LIFR: variants seen among roughly 807,000 people sequenced by gnomAD.
LIFR encodes LIF receptor subunit alpha.
LIFR carries 84 observed loss-of-function variants against 122.2 expected under a neutral mutation model. The observed-to-expected ratio is 0.69, with a 90% confidence interval of 0.58 to 0.82. The LOEUF is 0.82. Ranked by LOEUF, LIFR falls within the 40% of genes least tolerant of loss-of-function variation. The pLI is 0.00. For synonymous variants in LIFR, 422 were observed against 434.7 expected, an observed-to-expected ratio of 0.97 and a Z score of 0.36; for missense variants, 1,294 against 1,311.6, an observed-to-expected ratio of 0.99 and a Z score of 0.21.
rs1743726821 is a variant in LIFR at position 38,476,458 on chromosome 5, C to G, written c.*5137G>C. The stretch of plus-strand genomic sequence containing the variant: ...AAGGAAATTCAACAACTTAAGTGAG[C>G]CATTCAATCACGTGTGCAAAGTATT... On this transcript the variant is annotated 3_prime_UTR_variant, in exon 20 of 20. Coordinates refer to ENST00000453190, the MANE Select transcript of LIFR (RefSeq NM_001127671.2). 4.8e-6 allele frequency: 1 copy of G among 209,576 alleles called. No individual in the cohort carries two copies. The allele number at this position is 209,576 out of a possible 1,614,324, so 13.0% of individuals were successfully genotyped here. A position where few individuals can be genotyped will look rare whatever the true frequency, so the allele number is the denominator to read the frequency against.
chr5:38,576,755 A>T (rs1749400131), intron 1 of LIFR, among the ~76,000 whole-genome samples: 1 of 152,232 alleles, frequency 6.6e-6, no homozygotes. Flanking sequence ...GTTGCCTGTG[A>T]TAAAGGATCA....
At chr5:38,539,163 G>A (rs1342929671) in intron 1 of LIFR, among the ~76,000 whole-genome samples, 1 of 151,084 alleles carries the variant, frequency 6.6e-6, no homozygotes, top group Non-Finnish European at 1.5e-5. Flanking sequence ...GGGTTTCACC[G>A]TGGTCTCGAT....
At chr5:38,486,644 G>C (rs150530725) in intron 16 of LIFR, among the ~76,000 whole-genome samples, 5 of 151,718 alleles carry the variant, frequency 3.3e-5, no homozygotes, top group Admixed American at 6.6e-5. Context: ...TCCTCCCCTC[G>C]CCCCCTACAA....
chr5:38,538,943 G>A (rs1747435376), intron 1 of LIFR, among the ~76,000 whole-genome samples: 1 of 151,994 alleles, frequency 6.6e-6, no homozygotes, highest in African/African-American at 2.4e-5. Context: ...CCTTTCCTAG[G>A]GGCATCTCTT....
chr5:38,568,774 G>A (rs1202377401), intron 1 of LIFR, among the ~76,000 whole-genome samples: 1 of 152,208 alleles, frequency 6.6e-6, no homozygotes, highest in Non-Finnish European at 1.5e-5. Flanking sequence ...AGCAGGTTGA[G>A]CGTCCCAGGA....
rs146205670 is a variant in LIFR at position 38,484,788 on chromosome 5, G to A, written c.2578C>T (p.Arg860Trp). The change falls in exon 18 of 20, where the codon CGG (arginine) becomes TGG (tryptophan). Residue 860 changes from arginine to tryptophan, a missense_variant. By Grantham distance (101) the Arg-to-Trp change is moderately radical. Transcript: ENST00000453190. The stretch of plus-strand genomic sequence containing the variant: ...CAGAACTATTACCATTCTCGTTTCC[G>A]ATAGCAAAGGATACTTGTCACCACT... ...VGVVTSILCY[R>W]KREWIKETFY... is the part of the protein sequence containing the mutation. 3,154 of 1,610,676 alleles carry A rather than the reference G, an allele frequency of 2.0e-3. 57 individuals carry two copies. The South Asian group carries it at 0.025, about 13-fold the overall frequency.
At chr5:38,583,540 T>C (rs1381938727) in intron 1 of LIFR, among the ~76,000 whole-genome samples, 1 of 152,158 alleles carries the variant, frequency 6.6e-6, no homozygotes, top group Non-Finnish European at 1.5e-5. Flanking sequence ...AAAAAGTACT[T>C]GCAAAACACG....
At chr5:38,532,489 C>G (rs562241097) in intron 1 of LIFR, among the ~76,000 whole-genome samples, 4 of 152,252 alleles carry the variant, frequency 2.6e-5, no homozygotes, top group African/African-American at 9.6e-5. Flanking sequence ...GTAGCGAGCT[C>G]GCACAAAGCC....
chr5:38,500,881 C>T (rs1261922579), intron 11 of LIFR, among the ~76,000 whole-genome samples: 1 of 152,106 alleles, frequency 6.6e-6, no homozygotes, highest in African/African-American at 2.4e-5. Flanking sequence ...GATTTTAGAG[C>T]ATAAAAGATA....
At chr5:38,511,622 C>T (rs1330606460) in intron 6 of LIFR, among the ~76,000 whole-genome samples, 168 bp downstream of exon 6, 2 of 152,140 alleles carry the variant, frequency 1.3e-5, no homozygotes, top group African/African-American at 2.4e-5. Context: ...TGAAGCCTAT[C>T]TCAGACTTTT....
chr5:38,538,836 G>A (rs914468002), intron 1 of LIFR, among the ~76,000 whole-genome samples: 1 of 152,228 alleles, frequency 6.6e-6, no homozygotes, highest in African/African-American at 2.4e-5. Flanking sequence ...TGAAGCTCCA[G>A]GCCAAATATC....
At chr5:38,509,961 T>C (rs1322573351) in intron 7 of LIFR, among the ~76,000 whole-genome samples, 1 of 152,166 alleles carries the variant, frequency 6.6e-6, no homozygotes, top group Non-Finnish European at 1.5e-5. Flanking sequence ...GGAGAGTATG[T>C]TTCCCCTCAC....
intron 1 of LIFR, among the ~76,000 whole-genome samples, chr5:38,536,957 C>T (rs1470284305): frequency 6.6e-6 from 1 of 152,120 alleles, no homozygotes; most frequent in Non-Finnish European, 1.5e-5. Context: ...ATAATCTTGT[C>T]AATTTTTTTT....
At chr5:38,562,474 T>C (rs1748872467) in intron 1 of LIFR, among the ~76,000 whole-genome samples, 1 of 152,250 alleles carries the variant, frequency 6.6e-6, no homozygotes, top group South Asian at 2.1e-4. Context: ...TTCTTTCTTA[T>C]AGCCCATCGT....
At chr5:38,569,028 A>G (rs189938979) in intron 1 of LIFR, among the ~76,000 whole-genome samples, 2 of 152,282 alleles carry the variant, frequency 1.3e-5, no homozygotes, top group East Asian at 3.9e-4. Flanking sequence ...AGAGGTCATG[A>G]CCTTGGCCGA....
chr5:38,581,938 C>G (rs929428768), intron 1 of LIFR, among the ~76,000 whole-genome samples: 1 of 152,200 alleles, frequency 6.6e-6, no homozygotes, highest in African/African-American at 2.4e-5. Context: ...ATTATCACTT[C>G]CTTTGTGAAG....
intron 1 of LIFR, among the ~76,000 whole-genome samples, chr5:38,544,804 AG>A (rs1410308809): frequency 6.6e-6 from 1 of 152,180 alleles, no homozygotes; most frequent in East Asian, 1.9e-4. Flanking sequence ...GACAGAGAGC[AG>A]GCTCCTGTTC....
intron 4 of LIFR, among the ~76,000 whole-genome samples, chr5:38,526,329 A>C (rs1203468618): frequency 6.6e-6 from 1 of 152,124 alleles, no homozygotes; most frequent in Non-Finnish European, 1.5e-5. Context: ...AGAATGACCC[A>C]AATTTTCAGG....
intron 11 of LIFR, 137 bp from the exon 12 acceptor site, chr5:38,499,720 CAA>C (rs1383443521): frequency 5.7e-6 from 4 of 704,526 alleles, no homozygotes; most frequent in East Asian, 5.2e-5. Context: ...GAAAATGAAG[CAA>C]TGGAAAATCT....
Sources: gnomAD v4.1 joint callset for allele counts (sites outside exome capture counted in the v4.1 genomes callset) on GRCh38, gnomAD v4.1.1 for gene constraint, MANE v1.5 for transcripts, NCBI Gene and HGNC (gene_info 2026-07-23, HGNC 2026-07-21) for gene names.